The following SLC24A2 variants were observed in gnomAD, a reference collection of about 807,000 sequenced individuals.
The protein encoded by SLC24A2 is sodium/potassium/calcium exchanger 2.
SLC24A2 carries 36 observed loss-of-function variants against 62.0 expected under a neutral mutation model. The observed-to-expected ratio is 0.58, with a 90% CI of 0.44 to 0.77. SLC24A2 has a LOEUF of 0.77. SLC24A2 is among the 30% of genes least tolerant of loss of function. SLC24A2 has a pLI of 0.00. For synonymous variants in SLC24A2, 358 were observed against 294.0 expected, an observed-to-expected ratio of 1.22 and a Z score of -2.23; for missense variants, 846 against 817.9, an observed-to-expected ratio of 1.03 and a Z score of -0.42.
chr9:20,104,828 G>A, the SLC24A2 span, among the ~76,000 whole-genome samples: 3 of 152,126 alleles, frequency 2.0e-5, no homozygotes, highest in Non-Finnish European at 4.4e-5. Flanking sequence ...CATAATGACA[G>A]GATCAAACTC....
the SLC24A2 span, among the ~76,000 whole-genome samples, chr9:19,889,285 T>G: frequency 6.6e-6 from 1 of 152,214 alleles, no homozygotes; most frequent in East Asian, 1.9e-4. Context: ...ATAATCCACC[T>G]GAACTCCATT....
At chr9:19,666,503 C>T (rs1001878613) in intron 2 of SLC24A2, among the ~76,000 whole-genome samples, 1 of 151,366 alleles carries the variant, frequency 6.6e-6, no homozygotes, top group African/African-American at 2.4e-5. Context: ...AATATAGACA[C>T]TAAGGATCGG....
the SLC24A2 span, among the ~76,000 whole-genome samples, chr9:20,143,203 A>T: frequency 6.6e-6 from 1 of 152,150 alleles, no homozygotes. Flanking sequence ...AGTGCCCAAG[A>T]AGAGAAAACT....
At chr9:20,041,517 C>T in the SLC24A2 span, among the ~76,000 whole-genome samples, 8 of 152,332 alleles carry the variant, frequency 5.3e-5, no homozygotes, top group East Asian at 3.9e-4. Context: ...AACATCCACC[C>T]AGGACAGGGG....
At chr9:19,701,210 A>C (rs1820347190) in intron 2 of SLC24A2, among the ~76,000 whole-genome samples, 2 of 152,246 alleles carry the variant, frequency 1.3e-5, no homozygotes, top group African/African-American at 2.4e-5. Context: ...GATGATCTGC[A>C]TGTACCATGA....
At chr9:20,033,056 A>G in the SLC24A2 span, among the ~76,000 whole-genome samples, 3 of 152,202 alleles carry the variant, frequency 2.0e-5, no homozygotes, top group Non-Finnish European at 4.4e-5. Flanking sequence ...CGTCCCCTGA[A>G]GTTCATTCAC....
chr9:19,695,463 A>T (rs958954389), intron 2 of SLC24A2, among the ~76,000 whole-genome samples: 1 of 152,176 alleles, frequency 6.6e-6, no homozygotes, highest in African/African-American at 2.4e-5. Flanking sequence ...GAAAAAAAGT[A>T]TTGGAGAAAA....
chr9:19,941,501 G>C, the SLC24A2 span, among the ~76,000 whole-genome samples: 3 of 151,500 alleles, frequency 2.0e-5, no homozygotes, highest in Admixed American at 6.6e-5. Context: ...CTACCAAAAA[G>C]CACCTGCTTT....
chr9:19,638,996 C>T (rs893680655), intron 2 of SLC24A2, among the ~76,000 whole-genome samples: 1 of 152,170 alleles, frequency 6.6e-6, no homozygotes. Context: ...TTCAGTTTCA[C>T]ATAAATATGA....
At chr9:20,226,084 C>A in the SLC24A2 span, among the ~76,000 whole-genome samples, 1 of 152,056 alleles carries the variant, frequency 6.6e-6, no homozygotes, top group Non-Finnish European at 1.5e-5. Context: ...TCAGAATCAA[C>A]CACATTGGAG....
the SLC24A2 span, among the ~76,000 whole-genome samples, chr9:19,833,711 C>G: frequency 1.3e-5 from 2 of 152,224 alleles, no homozygotes; most frequent in South Asian, 2.1e-4. Flanking sequence ...CCCTGTGTGA[C>G]AGCTTTGAAG....
At chr9:20,058,862 C>T in the SLC24A2 span, among the ~76,000 whole-genome samples, 1 of 152,302 alleles carries the variant, frequency 6.6e-6, no homozygotes, top group South Asian at 2.1e-4. Context: ...CCCTTTTATT[C>T]CGATAGAATA....
chr9:19,807,261 A>T, the SLC24A2 span, among the ~76,000 whole-genome samples: 1 of 152,234 alleles, frequency 6.6e-6, no homozygotes, highest in African/African-American at 2.4e-5. Flanking sequence ...GTAACAAGGA[A>T]CAAAAGGAAG....
the SLC24A2 span, among the ~76,000 whole-genome samples, chr9:20,114,439 G>A: frequency 2.6e-5 from 4 of 152,022 alleles, no homozygotes; most frequent in Non-Finnish European, 5.9e-5. Context: ...CCTAAAGCAA[G>A]GTGTGAAAGG....
chr9:19,580,446 G>A (rs1451534501), intron 5 of SLC24A2, among the ~76,000 whole-genome samples: 1 of 152,230 alleles, frequency 6.6e-6, no homozygotes, highest in Non-Finnish European at 1.5e-5. Flanking sequence ...GATCATCACA[G>A]GGCACCTTTT....
At chr9:19,948,842 C>T in the SLC24A2 span, among the ~76,000 whole-genome samples, 2 of 42,916 alleles carry the variant, frequency 4.7e-5, no homozygotes, top group Admixed American at 2.7e-4. Flanking sequence ...GAGACTCCGT[C>T]TCAAAAAAAA....
chr9:19,777,786 T>C (rs1466687560), intron 2 of SLC24A2, among the ~76,000 whole-genome samples: 2 of 152,170 alleles, frequency 1.3e-5, no homozygotes, highest in African/African-American at 4.8e-5. Flanking sequence ...AAAATGTGCA[T>C]AGTCATCTTT....
At position 19,509,598 on chromosome 9, in the gene SLC24A2, TTC is replaced by T. The variant is rs1348958814; in HGVS notation, c.*6553_*6554del. The T allele has an allele frequency of 6.6e-6, 1 of 152,222 alleles. No homozygotes were observed. The highest frequency in any genetic ancestry group is 6.5e-5 in the Admixed American group (1 of 15,276). 9.4% of individuals were successfully genotyped at this position (152,222 alleles called of 1,614,324 possible). On this transcript the variant is annotated 3_prime_UTR_variant, in exon 11 of 11. Coordinates refer to ENST00000341998, the MANE Select transcript of SLC24A2 (RefSeq NM_020344.4). Reference sequence around the variant, plus strand: ...AGGCATCCATTGTCCTTCAGTTTTATTCTGATAAGAATTGGGGATTTGTTTAA... The same window carrying T: ...AGGCATCCATTGTCCTTCAGTTTTATTGATAAGAATTGGGGATTTGTTTAA...
At chr9:19,971,571 A>T in the SLC24A2 span, among the ~76,000 whole-genome samples, 1 of 152,172 alleles carries the variant, frequency 6.6e-6, no homozygotes, top group Non-Finnish European at 1.5e-5. Flanking sequence ...GTGTCTCCCC[A>T]AGTAGAAATT....
Sources: gnomAD v4.1 joint callset for allele counts (sites outside exome capture counted in the v4.1 genomes callset) on GRCh38, gnomAD v4.1.1 for gene constraint, MANE v1.5 for transcripts, NCBI Gene and HGNC (gene_info 2026-07-23, HGNC 2026-07-21) for gene names.